SGCZ: variants seen among roughly 807,000 people sequenced by gnomAD.
The protein encoded by SGCZ is zeta-sarcoglycan.
Under a neutral mutation model 41.3 loss-of-function variants are expected in SGCZ, and 40 were observed. The ratio of observed to expected loss-of-function variants is 0.97; its 90% CI spans 0.75 to 1.26. The LOEUF is 1.26. Ranked by LOEUF, SGCZ falls within the 50% of genes most tolerant of loss-of-function variation. SGCZ has a pLI of 0.00. For synonymous variants in SGCZ, 206 were observed against 137.5 expected (o/e 1.50, Z -3.49); for missense variants, 552 against 369.8 (o/e 1.49, Z -4.04).
intron 2 of SGCZ, among the ~76,000 whole-genome samples, chr8:14,458,017 G>C (rs1179272509): frequency 6.6e-6 from 1 of 151,930 alleles, no homozygotes; most frequent in Non-Finnish European, 1.5e-5. Context: ...TTCCTACAGG[G>C]GCCTGTAGAA....
intron 1 of SGCZ, among the ~76,000 whole-genome samples, chr8:14,598,561 T>C (rs1160956387): frequency 6.6e-6 from 1 of 151,796 alleles, no homozygotes; most frequent in African/African-American, 2.4e-5. Flanking sequence ...AGGGGTCCAC[T>C]CTGTAGCCAG....
At chr8:14,102,607 C>G (rs1802068575) in intron 6 of SGCZ, 108 bp from the exon 7 acceptor site, 1 of 1,034,276 alleles carries the variant, frequency 9.7e-7, no homozygotes, top group African/African-American at 1.7e-5. Flanking sequence ...GTCAAAACAA[C>G]AACCAGACAG....
chr8:14,584,334 A>G (rs981252577), intron 1 of SGCZ, among the ~76,000 whole-genome samples: 6 of 152,162 alleles, frequency 3.9e-5, no homozygotes, highest in Non-Finnish European at 8.8e-5. Context: ...TTGTGTGGTA[A>G]GTAGGTTGAG....
chr8:14,335,716 A>G (rs562176899), intron 2 of SGCZ, among the ~76,000 whole-genome samples: 2 of 151,990 alleles, frequency 1.3e-5, no homozygotes, highest in Non-Finnish European at 2.9e-5. Context: ...CTTGCTGAAG[A>G]TATCTTCCAT....
At chr8:15,093,214 T>C (rs759722385) in intron 1 of SGCZ, among the ~76,000 whole-genome samples, 1 of 152,210 alleles carries the variant, frequency 6.6e-6, no homozygotes, top group African/African-American at 2.4e-5. Context: ...AACATTTGTA[T>C]AGATTTTAAG....
intron 2 of SGCZ, among the ~76,000 whole-genome samples, chr8:14,466,585 C>T (rs7016159): frequency 0.38 from 57,797 of 151,534 alleles, 12,199 homozygotes; most frequent in African/African-American, 0.57. Flanking sequence ...TCACAGTGCA[C>T]ATATTGCTCT....
intron 2 of SGCZ, among the ~76,000 whole-genome samples, chr8:14,401,760 A>G (rs544854544): frequency 4.6e-5 from 7 of 151,424 alleles, no homozygotes; most frequent in African/African-American, 1.2e-4. Flanking sequence ...GTGTGCATGT[A>G]TCTTCATAGC....
At chr8:14,277,250 G>A (rs28470200) in intron 3 of SGCZ, among the ~76,000 whole-genome samples, 4,953 of 152,040 alleles carry the variant, frequency 0.033, 270 homozygotes, top group African/African-American at 0.11. Context: ...TTTTATCCTC[G>A]TAAAGTTCAA....
At chr8:14,585,841 G>A (rs1805039903) in intron 1 of SGCZ, among the ~76,000 whole-genome samples, 2 of 152,140 alleles carry the variant, frequency 1.3e-5, no homozygotes, top group Admixed American at 6.5e-5. Flanking sequence ...AGCAAACCAT[G>A]AACACTCAAG....
chr8:14,149,879 A>G (rs1375942415), intron 5 of SGCZ, among the ~76,000 whole-genome samples: 1 of 152,100 alleles, frequency 6.6e-6, no homozygotes, highest in Non-Finnish European at 1.5e-5. Context: ...TCCACACACT[A>G]CAGTGAACTC....
chr8:14,448,898 C>G (rs1375255745), intron 2 of SGCZ, among the ~76,000 whole-genome samples: 3 of 152,120 alleles, frequency 2.0e-5, no homozygotes, highest in African/African-American at 7.2e-5. Context: ...ATATCTCTTC[C>G]CTCTTAGACT....
chr8:15,159,032 T>C (rs1799418146), intron 1 of SGCZ, among the ~76,000 whole-genome samples: 1 of 152,172 alleles, frequency 6.6e-6, no homozygotes, highest in Admixed American at 6.5e-5. Context: ...CCTACGTAGC[T>C]TCAGGATGGG....
At chr8:14,344,429 A>C (rs892004547) in intron 2 of SGCZ, among the ~76,000 whole-genome samples, 2 of 152,110 alleles carry the variant, frequency 1.3e-5, no homozygotes, top group African/African-American at 4.8e-5. Context: ...TGAAAAAAAT[A>C]CATTAACTAT....
At chr8:14,414,421 C>T (rs2169423) in intron 2 of SGCZ, among the ~76,000 whole-genome samples, 36,314 of 151,606 alleles carry the variant, frequency 0.24, 4,517 homozygotes, top group Non-Finnish European at 0.29. Context: ...TAGGTCCCCA[C>T]CCTCAGAAAT....
At chr8:15,085,833 T>G (rs534065066) in intron 1 of SGCZ, among the ~76,000 whole-genome samples, 1 of 152,286 alleles carries the variant, frequency 6.6e-6, no homozygotes, top group East Asian at 1.9e-4. Context: ...GGCAGCCCTC[T>G]GTCATTCTTG....
At chr8:15,001,201 G>A (rs573995722) in intron 1 of SGCZ, among the ~76,000 whole-genome samples, 50 of 151,934 alleles carry the variant, frequency 3.3e-4, no homozygotes, top group Non-Finnish European at 6.6e-4. Flanking sequence ...CAATTTTGAC[G>A]AGAGAGAGAG....
chr8:15,224,206 T>C (rs942950851), intron 1 of SGCZ, among the ~76,000 whole-genome samples: 1 of 152,182 alleles, frequency 6.6e-6, no homozygotes, highest in Non-Finnish European at 1.5e-5. Context: ...AAACTCTATT[T>C]ATAACAGAGT....
intron 7 of SGCZ, among the ~76,000 whole-genome samples, chr8:14,091,467 C>T (rs559081164): frequency 3.6e-4 from 54 of 151,896 alleles, no homozygotes; most frequent in African/African-American, 1.2e-3. Flanking sequence ...TGTATTTCTC[C>T]ACATCCTCCC....
chr8:14,435,515 T>C lies in SGCZ; in HGVS notation c.235-111311A>G, dbSNP rs915029515. ...TACCCCAATCATGCGATCATATACT[T>C]ATGTTAAAGTGAGATCAATGGAAAT... is the stretch of plus-strand genomic sequence containing the variant. On this transcript the variant is annotated intron_variant, in intron 2 of 7. Coordinates refer to ENST00000382080, the MANE Select transcript of SGCZ (RefSeq NM_139167.4). 2.0e-5 allele frequency among the ~76,000 whole-genome samples: 3 copies of C among 152,148 alleles called. No individual in the cohort carries two copies. In the South Asian group the frequency reaches 6.2e-4, roughly 32 times the overall value.
Sources: gnomAD v4.1 joint callset for allele counts (sites outside exome capture counted in the v4.1 genomes callset) on GRCh38, gnomAD v4.1.1 for gene constraint, MANE v1.5 for transcripts, NCBI Gene and HGNC (gene_info 2026-07-23, HGNC 2026-07-21) for gene names.